The following SMIM45 variants were observed in gnomAD, a reference collection of about 807,000 sequenced individuals.
SMIM45 encodes long intergenic non-protein coding RNA 634.
At chr22:41,947,027 G>A in the SMIM45 span, 1 of 1,612,894 alleles carries the variant, frequency 6.2e-7, no homozygotes, top group Non-Finnish European at 8.5e-7. Flanking sequence ...TACCAAGATG[G>A]TGGCCGTGTT....
At chr22:41,950,923 T>C in the SMIM45 span, among the ~76,000 whole-genome samples, 49 of 151,572 alleles carry the variant, frequency 3.2e-4, 2 homozygotes, top group East Asian at 4.1e-3. Flanking sequence ...ACCCGGGAGG[T>C]AGAGGTTGCA....
At chr22:41,952,218 G>A in the SMIM45 span, 1 of 152,418 alleles carries the variant, frequency 6.6e-6, no homozygotes, top group Non-Finnish European at 1.5e-5. Flanking sequence ...GGCCCACTCA[G>A]AGCCCCTGGG....
chr22:41,947,032 C>G, the SMIM45 span: 2 of 1,612,892 alleles, frequency 1.2e-6, no homozygotes, highest in Non-Finnish European at 8.5e-7. Flanking sequence ...AGATGGTGGC[C>G]GTGTTCAGGC....
chr22:41,952,671 G>C, the SMIM45 span, among the ~76,000 whole-genome samples: 2 of 152,212 alleles, frequency 1.3e-5, no homozygotes, highest in Non-Finnish European at 2.9e-5. Context: ...TTTCCACCTA[G>C]GTCAGTTCCC....
the SMIM45 span, chr22:41,958,773 C>A: frequency 5.6e-6 from 1 of 177,790 alleles, no homozygotes; most frequent in South Asian, 1.2e-4. Flanking sequence ...CCCCCTTGAG[C>A]CAGGCCCTGC....
the SMIM45 span, chr22:41,946,993 G>C: frequency 2.5e-6 from 4 of 1,611,202 alleles, no homozygotes; most frequent in Non-Finnish European, 3.4e-6. Context: ...AAAAACCGGC[G>C]GGGGAAGCAG....
the SMIM45 span, among the ~76,000 whole-genome samples, chr22:41,957,208 T>TTTC: frequency 7.2e-6 from 1 of 139,250 alleles, no homozygotes; most frequent in South Asian, 2.3e-4. Context: ...TTTTTTTTTT[T>TTTC]CCTGAGACGG....
At chr22:41,956,054 G>T in the SMIM45 span, among the ~76,000 whole-genome samples, 1 of 149,932 alleles carries the variant, frequency 6.7e-6, no homozygotes, top group Non-Finnish European at 1.5e-5. Flanking sequence ...TCTTGCTCCA[G>T]GCTGGAGTGC....
At chr22:41,950,326 A>C in the SMIM45 span, among the ~76,000 whole-genome samples, 1 of 152,186 alleles carries the variant, frequency 6.6e-6, no homozygotes, top group Admixed American at 6.5e-5. Flanking sequence ...GAGCCTGAAC[A>C]TACCTTCACC....
the SMIM45 span, among the ~76,000 whole-genome samples, chr22:41,955,652 A>C: frequency 6.6e-6 from 1 of 151,964 alleles, no homozygotes; most frequent in East Asian, 2.0e-4. Flanking sequence ...TAAAAATACA[A>C]AAAATTAGCT....
At chr22:41,946,951 T>C in the SMIM45 span, 2 of 1,514,310 alleles carry the variant, frequency 1.3e-6, no homozygotes, top group East Asian at 2.3e-5. Context: ...GAGAGCTCAG[T>C]TGACCTAGTG....
the SMIM45 span, chr22:41,958,107 C>G: frequency 3.0e-6 from 1 of 336,746 alleles, no homozygotes; most frequent in African/African-American, 2.2e-5. Context: ...GCTTGCTCTC[C>G]GTGTCAAGCC....
At chr22:41,947,000 G>GCAGGGC in the SMIM45 span, 1 of 1,611,932 alleles carries the variant, frequency 6.2e-7, no homozygotes, top group Non-Finnish European at 8.5e-7. Context: ...GGCGGGGGAA[G>GCAGGGC]CAGGGCCGCC....
At chr22:41,957,181 CTTTTTTTTT>C in the SMIM45 span, among the ~76,000 whole-genome samples, 24 of 59,294 alleles carry the variant, frequency 4.0e-4, no homozygotes, top group South Asian at 8.3e-4. Context: ...ACCACGTGGT[CTTTTTTTTT>C]TTTTTTTTTT....
At chr22:41,948,843 A>T in the SMIM45 span, among the ~76,000 whole-genome samples, 24 of 152,120 alleles carry the variant, frequency 1.6e-4, no homozygotes, top group African/African-American at 5.8e-4. Flanking sequence ...CGGGCGGATC[A>T]CCTGACATCA....
the SMIM45 span, among the ~76,000 whole-genome samples, chr22:41,956,496 G>A: frequency 6.6e-6 from 1 of 152,228 alleles, no homozygotes; most frequent in African/African-American, 2.4e-5. Flanking sequence ...GCTAGGGCGT[G>A]CAGGTGGCTG....
the SMIM45 span, among the ~76,000 whole-genome samples, chr22:41,954,201 A>ATT: frequency 9.0e-6 from 1 of 111,400 alleles, no homozygotes; most frequent in African/African-American, 4.7e-5. Context: ...GGGTACTTTG[A>ATT]ATTTTTTTTT....
chr22:41,958,630 G>A, the SMIM45 span: 57 of 317,776 alleles, frequency 1.8e-4, no homozygotes, highest in Non-Finnish European at 2.9e-4. Context: ...TGTGAGGACT[G>A]TCCATAGTGG....
chr22:41,949,941 A>C, the SMIM45 span, among the ~76,000 whole-genome samples: 1 of 151,922 alleles, frequency 6.6e-6, no homozygotes, highest in African/African-American at 2.4e-5. Context: ...CATCCTGAAC[A>C]CCCAAGCTGG....
Sources: gnomAD v4.1 joint callset for allele counts (sites outside exome capture counted in the v4.1 genomes callset) on GRCh38, gnomAD v4.1.1 for gene constraint, MANE v1.5 for transcripts, NCBI Gene and HGNC (gene_info 2026-07-23, HGNC 2026-07-21) for gene names.